ZFHX3: variants seen among roughly 807,000 people sequenced by gnomAD.
The protein encoded by ZFHX3 is zinc finger homeobox protein 3.
A neutral mutation model predicts 279.1 loss-of-function variants in ZFHX3; 42 were observed. The observed-to-expected ratio is 0.15, with a 90% confidence interval of 0.12 to 0.19. The LOEUF (loss-of-function observed/expected upper bound fraction) is 0.19. Ranked by LOEUF, ZFHX3 falls within the 10% of genes least tolerant of loss-of-function variation. The probability of loss-of-function intolerance (pLI) is 1.00; values close to 1 mark genes in which losing one functional copy is unlikely to be tolerated. For synonymous variants in ZFHX3, 2,293 were observed against 1,957.8 expected (o/e 1.17, Z -4.52); for missense variants, 4,981 against 4,754.0 (o/e 1.05, Z -1.40).
intron 4 of ZFHX3, among the ~76,000 whole-genome samples, chr16:73,262,724 T>A (rs1269434850): frequency 6.6e-6 from 1 of 152,174 alleles, no homozygotes; most frequent in Non-Finnish European, 1.5e-5. Flanking sequence ...TCTACCCCTT[T>A]AACGTAGTGA....
chr16:73,450,731 T>G (rs1416988882), intron 3 of ZFHX3, among the ~76,000 whole-genome samples: 1 of 152,216 alleles, frequency 6.6e-6, no homozygotes, highest in African/African-American at 2.4e-5. Context: ...GAAGGAGAAC[T>G]CACCAATGCC....
intron 4 of ZFHX3, among the ~76,000 whole-genome samples, chr16:73,277,292 T>C (rs1451646293): frequency 6.6e-6 from 1 of 152,186 alleles, no homozygotes; most frequent in Non-Finnish European, 1.5e-5. Context: ...CAGAATGAAC[T>C]GAAAGTCACC....
chr16:72,833,219 C>T (rs1597288812), intron 4 of ZFHX3, among the ~76,000 whole-genome samples: 1 of 152,228 alleles, frequency 6.6e-6, no homozygotes, highest in Non-Finnish European at 1.5e-5. Context: ...AAACAGAGAT[C>T]TGCGTCCACA....
At chr16:72,858,472 G>A (rs908267744) in intron 4 of ZFHX3, among the ~76,000 whole-genome samples, 4 of 152,200 alleles carry the variant, frequency 2.6e-5, no homozygotes, top group African/African-American at 9.6e-5. Flanking sequence ...AAAATAAAGA[G>A]AGAGTCGACT....
intron 4 of ZFHX3, among the ~76,000 whole-genome samples, chr16:72,851,200 T>C (rs566140933): frequency 6.6e-6 from 1 of 152,194 alleles, no homozygotes; most frequent in South Asian, 2.1e-4. Context: ...CCCAGCCAGA[T>C]GTTACACTCT....
chr16:72,854,938 T>TGGGGGGGGG (rs373623618), intron 4 of ZFHX3, among the ~76,000 whole-genome samples: 3 of 73,896 alleles, frequency 4.1e-5, no homozygotes, highest in African/African-American at 5.4e-5. Flanking sequence ...AATTGGTGGG[T>TGGGGGGGGG]GGGGGGGGGG....
At chr16:73,479,610 C>T (rs1189658900) in intron 2 of ZFHX3, among the ~76,000 whole-genome samples, 1 of 152,188 alleles carries the variant, frequency 6.6e-6, no homozygotes, top group Non-Finnish European at 1.5e-5. Flanking sequence ...AACCTGTGAT[C>T]AGCTTGAGGG....
chr16:73,552,155 T>A (rs972484892), intron 2 of ZFHX3, among the ~76,000 whole-genome samples: 2 of 152,180 alleles, frequency 1.3e-5, no homozygotes, highest in African/African-American at 4.8e-5. Context: ...TGCATTGATC[T>A]GGTATTTAAA....
chr16:73,677,415 T>C (rs1388224277), intron 2 of ZFHX3, among the ~76,000 whole-genome samples: 1 of 151,740 alleles, frequency 6.6e-6, no homozygotes, highest in African/African-American at 2.4e-5. Flanking sequence ...TAGTTTTAAA[T>C]ATTTTTATTA....
chr16:73,090,725 G>GAAAA (rs1405893437), intron 8 of ZFHX3, among the ~76,000 whole-genome samples: 1 of 130,560 alleles, frequency 7.7e-6, no homozygotes, highest in Non-Finnish European at 1.7e-5. Flanking sequence ...GGCCTCTACA[G>GAAAA]AAAAAAAAAA....
Position 73,682,954 on chromosome 16 carries a change from G to GA in ZFHX3, c.-1607-2715dup, listed in dbSNP as rs535556489. 9.5e-3 allele frequency among the ~76,000 whole-genome samples: 165 copies of GA among 17,338 alleles called. 10 individuals carry two copies. The highest frequency in any genetic ancestry group is 0.031 in the African/African-American group (155 of 5,018). The allele number at this position is 17,338 out of a possible 152,430, so 11.4% of individuals were successfully genotyped here. A position where few individuals can be genotyped will look rare whatever the true frequency, so the allele number is the denominator to read the frequency against. On this transcript the variant is annotated intron_variant, in intron 1 of 17. Coordinates refer to the ZFHX3 transcript ENST00000641206. ...AGAAAGAAAGAAAGAAAGAAAGAAAGAAAGAAAGAAAGAAAGAAAGAAAGA... is the reference window on the plus strand; with the variant it reads ...AGAAAGAAAGAAAGAAAGAAAGAAAGAAAAGAAAGAAAGAAAGAAAGAAAGA...
At chr16:73,728,015 G>GCCCAC (rs1555535414) in intron 1 of ZFHX3, among the ~76,000 whole-genome samples, 1 of 75,484 alleles carries the variant, frequency 1.3e-5, no homozygotes, top group Non-Finnish European at 2.6e-5. Flanking sequence ...GCCGAATTGT[G>GCCCAC]CCCCCCCCCC....
chr16:73,357,634 A>G (rs2016365806), intron 3 of ZFHX3, among the ~76,000 whole-genome samples: 1 of 152,208 alleles, frequency 6.6e-6, no homozygotes, highest in Admixed American at 6.5e-5. Context: ...AAAGGAGCCT[A>G]AAATGACAGG....
chr16:73,653,692 C>G (rs781378200), intron 2 of ZFHX3, among the ~76,000 whole-genome samples: 13 of 151,596 alleles, frequency 8.6e-5, no homozygotes, highest in Non-Finnish European at 1.8e-4. Context: ...CCAAAACAAA[C>G]AAAAGGGAGT....
chr16:72,872,605 G>A (rs543593285), intron 4 of ZFHX3, among the ~76,000 whole-genome samples: 11 of 152,108 alleles, frequency 7.2e-5, no homozygotes, highest in South Asian at 2.1e-4. Flanking sequence ...CTACAGGCAC[G>A]CGCCACCATG....
intron 1 of ZFHX3, among the ~76,000 whole-genome samples, chr16:72,980,225 A>G (rs1219033212): frequency 6.6e-6 from 1 of 152,216 alleles, no homozygotes; most frequent in African/African-American, 2.4e-5. Flanking sequence ...TTCCTCCCAC[A>G]TGAAGCTACT....
chr16:73,444,943 C>T (rs981537766), intron 3 of ZFHX3, among the ~76,000 whole-genome samples: 2 of 108,970 alleles, frequency 1.8e-5, no homozygotes, highest in Admixed American at 1.3e-4. Context: ...CATGGTGAAA[C>T]TCCATCTATA....
Position 72,957,819 on chromosome 16 carries a change from G to A in ZFHX3, c.2327C>T (p.Ala776Val), listed in dbSNP as rs544025035. 8.4e-5 allele frequency: 129 copies of A among 1,542,894 alleles called. No individual in the cohort carries two copies. The South Asian group carries it at 9.1e-4, about 11-fold the overall frequency. ...GGCTGCCGCCGCCGCCGCAGCCACC[G>A]CCGCCGCCGCCGCCCCGGCAGTGTG... ...FSHTAGAAAA[A>V]VAAAAAAANI... The change falls in exon 2 of 10, where the codon GCG (alanine) becomes GTG (valine). Residue 776 changes from alanine (A) to valine (V), a missense_variant. Around this residue, in one of 7 missense-constraint regions of ZFHX3, gnomAD observed 1,751 missense variants for 1,770.0 expected, o/e 0.99. Transcript: ENST00000268489.
chr16:73,277,505 T>C (rs753035753), intron 4 of ZFHX3, among the ~76,000 whole-genome samples: 21 of 152,186 alleles, frequency 1.4e-4, no homozygotes, highest in Non-Finnish European at 2.1e-4. Flanking sequence ...CTACCATTTA[T>C]AGAGGAGAAC....
Sources: gnomAD v4.1 joint callset for allele counts (sites outside exome capture counted in the v4.1 genomes callset) on GRCh38, gnomAD v4.1.1 for gene constraint, gnomAD v4.1.1 regional missense constraint, MANE v1.5 for transcripts, NCBI Gene and HGNC (gene_info 2026-07-23, HGNC 2026-07-21) for gene names.